Variants in GPC3 observed in about 807,000 individuals in gnomAD.
The protein encoded by GPC3 is glypican-3.
Under a neutral mutation model 34.4 loss-of-function variants are expected in GPC3, and 3 were observed. The ratio of observed to expected loss-of-function variants is 0.09; its 90% CI spans 0.04 to 0.23. The LOEUF (loss-of-function observed/expected upper bound fraction) is 0.23, where lower values mean the gene tolerates loss of function less well. GPC3 is among the 10% of genes least tolerant of loss of function. The pLI is 1.00. For missense variants in GPC3, 351 were observed against 445.6 expected (o/e 0.79, Z 1.91); for synonymous variants, 177 against 174.0 (o/e 1.02, Z -0.13).
chrX:133,720,205 A>T (rs1010852535), intron 3 of GPC3, among the ~76,000 whole-genome samples: 2 of 111,862 alleles, frequency 1.8e-5, no homozygotes, highest in African/African-American at 3.3e-5. Context: ...TATCTATCCA[A>T]TATATGAAAA....
intron 2 of GPC3, among the ~76,000 whole-genome samples, chrX:133,760,125 C>A (rs1423528614): frequency 8.9e-6 from 1 of 112,031 alleles, no homozygotes; most frequent in Non-Finnish European, 1.9e-5. Flanking sequence ...AAATTCATAA[C>A]ACTAACAACA....
At chrX:133,539,948 C>A (rs1231832042) in intron 7 of GPC3, among the ~76,000 whole-genome samples, 1 of 112,449 alleles carries the variant, frequency 8.9e-6, no homozygotes, top group Non-Finnish European at 1.9e-5. Flanking sequence ...ATTCAACAAA[C>A]AAAACTAGCC....
intron 7 of GPC3, among the ~76,000 whole-genome samples, chrX:133,575,477 C>A (rs1388401802): frequency 8.9e-6 from 1 of 111,804 alleles, no homozygotes; most frequent in East Asian, 2.8e-4. Flanking sequence ...AAAAGCCAGG[C>A]TTCCTCATGA....
intron 5 of GPC3, among the ~76,000 whole-genome samples, chrX:133,670,195 C>G (rs772193489): frequency 1.5e-4 from 17 of 111,430 alleles, no homozygotes; most frequent in Non-Finnish European, 2.6e-4. Context: ...TCAACAAATT[C>G]AAATGTAGAT....
At chrX:133,855,549 A>ATATATATATATATATAT (rs1569445704) in intron 2 of GPC3, among the ~76,000 whole-genome samples, 24 of 105,874 alleles carry the variant, frequency 2.3e-4, no homozygotes, top group Admixed American at 3.0e-4. Context: ...ATATATATAT[A>ATATATATATATATATAT]GTAAAATGGT....
intron 6 of GPC3, among the ~76,000 whole-genome samples, chrX:133,608,507 T>A (rs945889010): frequency 8.9e-6 from 1 of 112,022 alleles, no homozygotes; most frequent in African/African-American, 3.2e-5. Flanking sequence ...ATCTGAACAT[T>A]TACTATTGTC....
intron 2 of GPC3, among the ~76,000 whole-genome samples, chrX:133,894,182 T>G (rs1258967455): frequency 1.8e-5 from 2 of 111,871 alleles, no homozygotes; most frequent in Admixed American, 1.9e-4. Context: ...CAATGCAAGT[T>G]CATGTGCCTC....
At chrX:133,753,389 ATT>A (rs767662148) in intron 3 of GPC3, 91 bp downstream of exon 3, 1 of 694,764 alleles carries the variant, frequency 1.4e-6, no homozygotes, top group Non-Finnish European at 2.3e-6. Context: ...CCACCTTCCA[ATT>A]TTGTTCTCAT....
chrX:133,754,247 G>A (rs1366248222), intron 2 of GPC3, 71 bp from the exon 3 acceptor site: 1 of 810,619 alleles, frequency 1.2e-6, no homozygotes, highest in African/African-American at 2.1e-5. Context: ...GTGTGAAAAT[G>A]AATTTGAGAC....
intron 6 of GPC3, among the ~76,000 whole-genome samples, chrX:133,597,605 T>A (rs1454107757): frequency 1.8e-5 from 2 of 111,722 alleles, no homozygotes; most frequent in African/African-American, 6.5e-5. Flanking sequence ...GCGGTTTCCA[T>A]CGTCCCTATG....
chrX:133,692,256 T>G (rs1366428481), intron 5 of GPC3, 113 bp downstream of exon 5: 3 of 844,367 alleles, frequency 3.6e-6, no homozygotes, highest in Non-Finnish European at 5.3e-6. Flanking sequence ...CATAGATTTC[T>G]CTAGAATTTT....
At chrX:133,865,732 C>T (rs1424614565) in intron 2 of GPC3, among the ~76,000 whole-genome samples, 2 of 112,063 alleles carry the variant, frequency 1.8e-5, no homozygotes, top group Non-Finnish European at 3.8e-5. Context: ...AGCCCACATC[C>T]AATTAATGCA....
chrX:133,914,576 T>C (rs944085805), intron 2 of GPC3, among the ~76,000 whole-genome samples: 15 of 111,040 alleles, frequency 1.4e-4, no homozygotes, highest in Admixed American at 1.4e-3. Flanking sequence ...CAGACCCAAG[T>C]TGAAATCCTG....
chrX:133,624,601 C>G (rs1339298109), intron 6 of GPC3, among the ~76,000 whole-genome samples: 1 of 111,553 alleles, frequency 9.0e-6, no homozygotes, highest in African/African-American at 3.3e-5. Context: ...CCTCCCAAGA[C>G]TAAACCAGGA....
intron 2 of GPC3, among the ~76,000 whole-genome samples, chrX:133,806,852 G>T (rs768920431): frequency 9.1e-6 from 1 of 110,141 alleles, no homozygotes; most frequent in Non-Finnish European, 1.9e-5. Context: ...GTTTCACCGC[G>T]TTAGCCAGGA....
intron 6 of GPC3, among the ~76,000 whole-genome samples, chrX:133,629,658 T>G (rs1354499671): frequency 9.2e-6 from 1 of 108,898 alleles, no homozygotes; most frequent in Non-Finnish European, 1.9e-5. Flanking sequence ...CCTCCCAAAG[T>G]GCTGGGATTA....
intron 7 of GPC3, among the ~76,000 whole-genome samples, chrX:133,568,987 C>T (rs1044715094): frequency 9.1e-6 from 1 of 110,452 alleles, no homozygotes; most frequent in East Asian, 2.9e-4. Context: ...GGCAACATGG[C>T]GAAACCCTGT....
chrX:133,869,045 T>C lies in GPC3; in HGVS notation c.337+84005A>G, dbSNP rs770927488. On this transcript the variant is annotated intron_variant, in intron 2 of 7. Coordinates refer to ENST00000370818, the MANE Select transcript of GPC3 (RefSeq NM_004484.4). ...TCACAGATTTTCAGTGGAATGAAGA[T>C]GAAATTAGGCCTGATATTCCTTTTT... is the stretch of plus-strand genomic sequence containing the variant. Among the ~76,000 whole-genome samples the C allele has an allele frequency of 5.3e-5, 6 of 112,203 alleles. No homozygotes were observed. In the South Asian group the frequency reaches 1.5e-3, roughly 28 times the overall value.
At chrX:133,660,259 C>T (rs1046636732) in intron 6 of GPC3, among the ~76,000 whole-genome samples, 2 of 112,371 alleles carry the variant, frequency 1.8e-5, no homozygotes, top group Admixed American at 1.9e-4. Flanking sequence ...ATTTTAAAAA[C>T]TCATACCAAT....
Sources: allele counts gnomAD v4.1 joint callset (sites outside exome capture counted in the v4.1 genomes callset), GRCh38; gene constraint gnomAD v4.1.1; transcripts MANE v1.5; gene names NCBI Gene and HGNC (gene_info 2026-07-23, HGNC 2026-07-21).